NTRK1: variants seen among roughly 807,000 people sequenced by gnomAD.
The protein encoded by NTRK1 is high affinity nerve growth factor receptor.
In NTRK1, 62 loss-of-function variants were observed where a neutral mutation model predicts 86.8. The ratio of observed to expected loss-of-function variants is 0.71; its 90% CI spans 0.58 to 0.88. NTRK1 has a LOEUF of 0.88. Ranked by LOEUF, NTRK1 falls within the 40% of genes least tolerant of loss-of-function variation. NTRK1 has a pLI of 0.00. For missense variants in NTRK1, 967 were observed against 1,078.4 expected, an observed-to-expected ratio of 0.90 and a Z score of 1.45; for synonymous variants, 469 against 456.6, an observed-to-expected ratio of 1.03 and a Z score of -0.35.
intron 2 of NTRK1, chr1:156,843,302 T>G: frequency 6.4e-7 from 1 of 1,569,740 alleles, no homozygotes; most frequent in Admixed American, 1.7e-5. Flanking sequence ...CCAACTTCTC[T>G]TCTCCTCTTC....
intron 2 of NTRK1, chr1:156,845,286 G>T (rs1485234074): frequency 6.2e-7 from 1 of 1,612,654 alleles, no homozygotes. Flanking sequence ...CGGCGGTGCC[G>T]CCCTGAGTCC....
Position 156,862,827 on chromosome 1 carries a change from A to G in NTRK1, c.213-1527A>G, listed in dbSNP as rs1196586040. 2.6e-5 allele frequency among the ~76,000 whole-genome samples: 4 copies of G among 151,904 alleles called. No homozygotes were observed. The East Asian group carries it at 7.7e-4, about 29-fold the overall frequency. On this transcript the variant is annotated intron_variant, in intron 1 of 16. Transcript: ENST00000524377. ...TCTGGGCAGGGGCTGGGGGGTGGGT[A>G]GAATAGGGACTTGGCCTCCCTCGGA...
intron 2 of NTRK1, chr1:156,843,364 C>T: frequency 6.3e-7 from 1 of 1,587,650 alleles, no homozygotes; most frequent in Non-Finnish European, 8.7e-7. Flanking sequence ...TTCTGGAAGT[C>T]TGTCTCTGCT....
intron 11 of NTRK1, 46 bp from the exon 12 acceptor site, chr1:156,875,474 C>T: frequency 6.2e-7 from 1 of 1,612,248 alleles, no homozygotes; most frequent in Non-Finnish European, 8.5e-7. Flanking sequence ...GTGGGCAGGG[C>T]CAAGGTGTGG....
chr1:156,871,578 C>T (rs1571693404), intron 6 of NTRK1, 45 bp from the exon 7 acceptor site: 1 of 1,610,842 alleles, frequency 6.2e-7, no homozygotes, highest in South Asian at 1.1e-5. Flanking sequence ...CAGCCCCAAG[C>T]TGGCTAAAGC....
rs1558104850 is a variant in NTRK1, at chr1:156,874,558, T to C, written c.1196-13T>C. The stretch of plus-strand genomic sequence containing the variant: ...GTGTCAAGGCTCACCCCTCCTGCCC[T>C]GTGTCCCTACAGACACTAACAGCAC... On this transcript the variant is annotated splice_polypyrimidine_tract_variant and intron_variant, in intron 9 of 16. Transcript: ENST00000524377. 1 of 1,614,034 alleles carries C rather than the reference T, an allele frequency of 6.2e-7. No homozygotes were observed. Among genetic ancestry groups the C allele is most frequent in the East Asian group, 2.2e-5 (1 of 44,888 alleles).
intron 1 of NTRK1, among the ~76,000 whole-genome samples, chr1:156,831,835 G>T (rs1052970803): frequency 2.0e-5 from 3 of 152,210 alleles, no homozygotes; most frequent in African/African-American, 7.2e-5. Context: ...AGAAGGGATG[G>T]GAGATTGAAG....
At chr1:156,878,603 C>T (rs565866447) in intron 14 of NTRK1, among the ~76,000 whole-genome samples, 19 of 152,276 alleles carry the variant, frequency 1.2e-4, no homozygotes, top group Admixed American at 9.2e-4. Flanking sequence ...AGGACTGACC[C>T]GAGTGCTCGC....
chr1:156,871,879 G>T, intron 7 of NTRK1, 124 bp downstream of exon 7: 1 of 1,333,976 alleles, frequency 7.5e-7, no homozygotes. Context: ...CTCCCTCCCA[G>T]CTGTTTCCAG....
intron 1 of NTRK1, 73 bp downstream of exon 1, chr1:156,861,219 C>T: frequency 6.7e-7 from 1 of 1,491,102 alleles, no homozygotes; most frequent in Non-Finnish European, 9.0e-7. Context: ...CGCGGACTCG[C>T]TGCTTGTTTG....
intron 2 of NTRK1, chr1:156,844,624 C>T: frequency 6.2e-7 from 1 of 1,614,142 alleles, no homozygotes. Flanking sequence ...ACTGTGGCCT[C>T]CTGAGAGTAA....
chr1:156,874,096 G>A (rs1157505662), intron 8 of NTRK1, 137 bp downstream of exon 8: 26 of 966,444 alleles, frequency 2.7e-5, no homozygotes, highest in African/African-American at 8.1e-5. Flanking sequence ...CTGGTGTCCC[G>A]CTGTTCTGGC....
At chr1:156,841,045 T>C in intron 1 of NTRK1, 6 of 1,596,208 alleles carry the variant, frequency 3.8e-6, no homozygotes, top group Non-Finnish European at 5.1e-6. Flanking sequence ...GTCCAGAATG[T>C]GTGTGAAAGA....
rs184773286 is a variant in NTRK1, at chr1:156,862,078, C to T, written c.212+932C>T. ...GAAGAGGGGAGAACTGCTAGAAAAT[C>T]CTCCTCCTGTGGCCTGGGGTTTCGA... On this transcript the variant is annotated intron_variant, in intron 1 of 16. Coordinates refer to ENST00000524377, the MANE Select transcript of NTRK1 (RefSeq NM_002529.4). 1.9e-3 allele frequency among the ~76,000 whole-genome samples: 292 copies of T among 152,264 alleles called. 4 individuals carry two copies. The highest frequency in any genetic ancestry group is 0.015 in the East Asian group (80 of 5,180).
chr1:156,863,763 G>A (rs1655793596), intron 1 of NTRK1, among the ~76,000 whole-genome samples: 1 of 152,158 alleles, frequency 6.6e-6, no homozygotes, highest in Non-Finnish European at 1.5e-5. Flanking sequence ...ATTTGCATGA[G>A]CACAGGCTTC....
At chr1:156,824,609 G>C (rs1039868039) in intron 1 of NTRK1, among the ~76,000 whole-genome samples, 8 of 152,154 alleles carry the variant, frequency 5.3e-5, no homozygotes, top group African/African-American at 1.9e-4. Flanking sequence ...TGGTCACTTG[G>C]TGCCCATTGG....
chr1:156,816,089 G>A, intron 1 of NTRK1: 1 of 1,612,976 alleles, frequency 6.2e-7, no homozygotes. Context: ...GGGGCTTCGT[G>A]ACTCCCTGTG....
chr1:156,843,153 C>A lies in NTRK1; in HGVS notation c.50+960C>A, dbSNP rs1571657350. The stretch of plus-strand genomic sequence containing the variant: ...AGTCCTCGTGCCAGCCCCTCATATA[C>A]CATCCCAAAAGAGCCCTGGCCCAGT... On this transcript the variant is annotated intron_variant, in intron 2 of 16. Coordinates refer to the NTRK1 transcript ENST00000392302. 11 of 1,614,158 alleles carry A rather than the reference C, an allele frequency of 6.8e-6. 1 individual carries two copies. In the East Asian group the frequency reaches 2.5e-4, roughly 36 times the overall value.
chr1:156,860,779 G>C (rs1247802463), upstream of NTRK1: 2 of 1,305,576 alleles, frequency 1.5e-6, no homozygotes, highest in Admixed American at 4.1e-5. Context: ...GTGGAGAAGA[G>C]GGGCAAGGCG....
Sources: gnomAD v4.1 joint callset for allele counts (sites outside exome capture counted in the v4.1 genomes callset) on GRCh38, gnomAD v4.1.1 for gene constraint, MANE v1.5 for transcripts, NCBI Gene and HGNC (gene_info 2026-07-23, HGNC 2026-07-21) for gene names.